The following CNTNAP4 variants were observed in gnomAD, a reference collection of about 807,000 sequenced individuals.
The protein encoded by CNTNAP4 is contactin-associated protein-like 4.
In CNTNAP4, 98 loss-of-function variants were observed where a neutral mutation model predicts 148.4. The observed-to-expected ratio is 0.66, with a 90% confidence interval of 0.56 to 0.78. The LOEUF is 0.78. Ranked by LOEUF, CNTNAP4 falls within the 30% of genes least tolerant of loss-of-function variation. The probability of loss-of-function intolerance (pLI) is 0.00; values close to 1 mark genes in which losing one functional copy is unlikely to be tolerated. For synonymous variants in CNTNAP4, 730 were observed against 565.1 expected, an observed-to-expected ratio of 1.29 and a Z score of -4.14; for missense variants, 1,935 against 1,565.6, an observed-to-expected ratio of 1.24 and a Z score of -3.98.
chr16:76,339,571 A>C (rs192384179), intron 2 of CNTNAP4, among the ~76,000 whole-genome samples: 1 of 152,210 alleles, frequency 6.6e-6, no homozygotes, highest in Non-Finnish European at 1.5e-5. Context: ...GAAATGACAC[A>C]AAGAGAATTT....
chr16:76,341,522 G>T lies in CNTNAP4; in HGVS notation c.197-13796G>T, dbSNP rs183265817. Among the ~76,000 whole-genome samples, 14 of 152,312 alleles carry T rather than the reference G, an allele frequency of 9.2e-5. 1 individual carries two copies. The East Asian group carries it at 2.5e-3, about 27-fold the overall frequency. ...CAGTATTACTGAAAGGGAGTAATTAGAAATGATTTTTAACATTTTCAGTCC... is the reference window on the plus strand; with the variant it reads ...CAGTATTACTGAAAGGGAGTAATTATAAATGATTTTTAACATTTTCAGTCC... On this transcript the variant is annotated intron_variant, in intron 2 of 23. Transcript: ENST00000611870.
At chr16:76,329,450 C>T (rs764305765) in intron 2 of CNTNAP4, among the ~76,000 whole-genome samples, 43 of 152,232 alleles carry the variant, frequency 2.8e-4, no homozygotes, top group Middle Eastern at 3.4e-3. Context: ...AATCTGTTCC[C>T]GTGCACTATC....
intron 2 of CNTNAP4, among the ~76,000 whole-genome samples, chr16:76,332,361 A>G (rs1406655445): frequency 1.3e-5 from 2 of 152,068 alleles, no homozygotes; most frequent in Non-Finnish European, 2.9e-5. Flanking sequence ...CTTAGGCTCA[A>G]GTGATCCTCC....
chr16:76,360,341 C>G (rs1184447291), intron 3 of CNTNAP4, among the ~76,000 whole-genome samples: 1 of 152,128 alleles, frequency 6.6e-6, no homozygotes, highest in Admixed American at 6.5e-5. Context: ...GAAACACTAC[C>G]TGCAAAGATT....
intron 4 of CNTNAP4, among the ~76,000 whole-genome samples, chr16:76,429,705 T>C (rs1331923449): frequency 2.0e-5 from 3 of 152,156 alleles, no homozygotes; most frequent in Non-Finnish European, 4.4e-5. Flanking sequence ...TGCTGCTCTG[T>C]GGCTAATGAT....
chr16:76,360,747 A>G (rs1023842524), intron 3 of CNTNAP4, among the ~76,000 whole-genome samples: 1 of 151,732 alleles, frequency 6.6e-6, no homozygotes, highest in Non-Finnish European at 1.5e-5. Context: ...TTATATTTCT[A>G]TTTAGCTCCA....
intron 8 of CNTNAP4, among the ~76,000 whole-genome samples, chr16:76,461,070 C>T (rs73621003): frequency 0.016 from 2,356 of 151,936 alleles, 65 homozygotes; most frequent in African/African-American, 0.053. Context: ...CTAACTCATG[C>T]GTGAATGAAA....
At chr16:76,307,282 A>G (rs1173121437) in intron 1 of CNTNAP4, among the ~76,000 whole-genome samples, 2 of 151,900 alleles carry the variant, frequency 1.3e-5, no homozygotes, top group East Asian at 3.9e-4. Flanking sequence ...TATGGAAAAC[A>G]TTGTTTGACT....
intron 17 of CNTNAP4, among the ~76,000 whole-genome samples, chr16:76,522,953 T>C (rs1420030430): frequency 6.6e-6 from 1 of 151,354 alleles, no homozygotes; most frequent in African/African-American, 2.4e-5. Context: ...TTAGTAGAAA[T>C]GGGGTTTTGC....
At chr16:76,304,612 CA>C (rs1257824986) in intron 1 of CNTNAP4, among the ~76,000 whole-genome samples, 1 of 152,062 alleles carries the variant, frequency 6.6e-6, no homozygotes, top group Non-Finnish European at 1.5e-5. Flanking sequence ...TTGTGTAACT[CA>C]AAATAAAATT....
intron 15 of CNTNAP4, among the ~76,000 whole-genome samples, chr16:76,511,243 C>G (rs2083014660): frequency 2.0e-5 from 3 of 152,112 alleles, no homozygotes. Context: ...TCAAAGCACC[C>G]TGAAGCCTTC....
chr16:76,548,966 C>T (rs1359847295), intron 21 of CNTNAP4, among the ~76,000 whole-genome samples: 1 of 152,182 alleles, frequency 6.6e-6, no homozygotes, highest in Non-Finnish European at 1.5e-5. Context: ...GGACTCAATT[C>T]TGGGAGGACG....
At chr16:76,465,078 C>G (rs144246929) in intron 9 of CNTNAP4, among the ~76,000 whole-genome samples, 1 of 152,196 alleles carries the variant, frequency 6.6e-6, no homozygotes. Context: ...AATGAACTGA[C>G]TACAGCACTG....
chr16:76,455,087 T>C (rs2143294551), intron 8 of CNTNAP4, among the ~76,000 whole-genome samples: 1 of 152,342 alleles, frequency 6.6e-6, no homozygotes, highest in East Asian at 1.9e-4. Flanking sequence ...TTTTGAAATA[T>C]TCAACACATT....
At chr16:76,509,884 A>G (rs1568447788) in intron 15 of CNTNAP4, among the ~76,000 whole-genome samples, 2 of 94,536 alleles carry the variant, frequency 2.1e-5, no homozygotes, top group African/African-American at 5.3e-5. Flanking sequence ...TTGATTTTGT[A>G]TGTGCTTGAG....
At chr16:76,286,883 C>T (rs970777447) in intron 1 of CNTNAP4, among the ~76,000 whole-genome samples, 1 of 152,132 alleles carries the variant, frequency 6.6e-6, no homozygotes, top group East Asian at 1.9e-4. Flanking sequence ...ATTAAAAGAA[C>T]ATTGCTAAAA....
intron 3 of CNTNAP4, among the ~76,000 whole-genome samples, chr16:76,390,684 C>T (rs1478122510): frequency 6.6e-6 from 1 of 152,096 alleles, no homozygotes; most frequent in Non-Finnish European, 1.5e-5. Flanking sequence ...AGCTTACTCA[C>T]CAAGGTTGTC....
chr16:76,449,263 A>G (rs560111835), intron 6 of CNTNAP4, among the ~76,000 whole-genome samples: 3 of 152,298 alleles, frequency 2.0e-5, no homozygotes, highest in African/African-American at 7.2e-5. Context: ...CAAATATAGG[A>G]TGTTTGCTAT....
In CNTNAP4 at chr16:76,479,430, C is replaced by G. The variant is rs1418565689; in HGVS notation, c.1774C>G (p.Gln592Glu). The G allele has an allele frequency of 6.3e-7, 1 of 1,596,168 alleles. No homozygotes were observed. The highest frequency in any genetic ancestry group is 1.7e-5 in the Admixed American group (1 of 57,464). The change falls in exon 12 of 24, where the codon CAG (glutamine) becomes GAG (glutamate). Residue 592 changes from glutamine (Q) to glutamate (E), a missense_variant. Physicochemically the swap from Gln to Glu is conservative, Grantham distance 29 (BLOSUM62 2). Transcript: ENST00000611870. ...GATCHNSIYE[Q>E]SCEAYKHRGN... ...TTTTTTTCTTAAAGCTATCTATGAG[C>G]AGTCATGTGAAGCCTATAAGCACAG...
Sources: allele counts gnomAD v4.1 joint callset (sites outside exome capture counted in the v4.1 genomes callset), GRCh38; gene constraint gnomAD v4.1.1; transcripts MANE v1.5; gene names NCBI Gene and HGNC (gene_info 2026-07-23, HGNC 2026-07-21).